Variants in BCAS3 observed in about 807,000 individuals in gnomAD.
The protein encoded by BCAS3 is BCAS4/BCAS3 fusion.
In BCAS3, 53 loss-of-function variants were observed where a neutral mutation model predicts 116.1. The ratio of observed to expected loss-of-function variants is 0.46; its 90% CI spans 0.37 to 0.57. The LOEUF (loss-of-function observed/expected upper bound fraction) is 0.57, where lower values mean the gene tolerates loss of function less well. BCAS3 is among the 20% of genes least tolerant of loss of function. BCAS3 has a pLI of 0.00. For synonymous variants in BCAS3, 391 were observed against 408.2 expected (o/e 0.96, Z 0.51); for missense variants, 917 against 1,165.4 (o/e 0.79, Z 3.10).
At chr17:60,918,164 A>G (rs1287432382) in intron 12 of BCAS3, among the ~76,000 whole-genome samples, 1 of 152,224 alleles carries the variant, frequency 6.6e-6, no homozygotes. Flanking sequence ...CTTTTTAAAA[A>G]TAATGGCCAT....
Position 61,017,572 on chromosome 17 carries a change from T to A in BCAS3, c.1637+1671T>A, listed in dbSNP as rs1242596163. 6.6e-6 allele frequency among the ~76,000 whole-genome samples: 1 copy of A among 152,232 alleles called. No individual in the cohort carries two copies. Among genetic ancestry groups the A allele is most frequent in the Non-Finnish European group, 1.5e-5 (1 of 68,032 alleles). ...GTGCTTTGTTTCTGGTGCGTGTTTA[T>A]TTAATTTTAACATAAGAGCTGTCCT... On this transcript the variant is annotated intron_variant, in intron 16 of 23. Coordinates refer to ENST00000407086, the MANE Select transcript of BCAS3 (RefSeq NM_017679.5). The surrounding 1 kb of genome is among the most constrained non-coding windows in gnomAD (Gnocchi z 4.7).
In BCAS3 at chr17:61,034,011, A is replaced by C. The variant is rs569085105; in HGVS notation, c.1638-655A>C. Among the ~76,000 whole-genome samples the C allele has an allele frequency of 4.6e-5, 7 of 152,310 alleles. No homozygotes were observed. Among genetic ancestry groups the C allele is most frequent in the African/African-American group, 1.2e-4 (5 of 41,578 alleles). On this transcript the variant is annotated intron_variant, in intron 16 of 23. Coordinates refer to ENST00000407086, the MANE Select transcript of BCAS3 (RefSeq NM_017679.5). This position sits in a 1 kb window ranked among gnomAD's most constrained non-coding sequence, Gnocchi z 5.0. ...AATTCCACCTTGGTCTTTTTCTCTGAACAAAAATAGACACATCATTTTCAC... is the reference window on the plus strand; with the variant it reads ...AATTCCACCTTGGTCTTTTTCTCTGCACAAAAATAGACACATCATTTTCAC...
intron 13 of BCAS3, among the ~76,000 whole-genome samples, chr17:60,942,086 A>G (rs9891095): frequency 0.028 from 4,269 of 152,268 alleles, 218 homozygotes; most frequent in African/African-American, 0.098. Context: ...GTGGCAAAAC[A>G]CTGTCTACAA....
At chr17:60,938,745 G>GATAGATAT in intron 13 of BCAS3, among the ~76,000 whole-genome samples, 1 of 152,072 alleles carries the variant, frequency 6.6e-6, no homozygotes, top group East Asian at 1.9e-4. Context: ...TAGATAGATA[G>GATAGATAT]ATAGATAGAT....
At chr17:61,060,308 T>G (rs2143293394) in intron 19 of BCAS3, among the ~76,000 whole-genome samples, 1 of 144,012 alleles carries the variant, frequency 6.9e-6, no homozygotes, top group Admixed American at 6.9e-5. Context: ...TTTTTTTTTG[T>G]GTATTTTTAG....
rs150335051 is a variant in BCAS3 at position 61,325,166 on chromosome 17, C to T, written c.2426-43161C>T. Among the ~76,000 whole-genome samples the T allele has an allele frequency of 1.3e-5, 2 of 152,270 alleles. No individual in the cohort carries two copies. Among genetic ancestry groups the T allele is most frequent in the Non-Finnish European group, 2.9e-5 (2 of 68,032 alleles). On this transcript the variant is annotated intron_variant, in intron 22 of 23. Transcript: ENST00000407086. The surrounding 1 kb of genome is among the most constrained non-coding windows in gnomAD (Gnocchi z 6.4). Reference sequence around the variant, plus strand: ...ATGTTTGACTCTGTGTCTCTGTGGACCACAACAGGACCACAGGCTGTTACA... The same window carrying T: ...ATGTTTGACTCTGTGTCTCTGTGGATCACAACAGGACCACAGGCTGTTACA...
At chr17:60,911,441 G>A (rs2058507362) in intron 12 of BCAS3, among the ~76,000 whole-genome samples, 1 of 152,132 alleles carries the variant, frequency 6.6e-6, no homozygotes, top group South Asian at 2.1e-4. Context: ...TGGGATGTAG[G>A]TGCGTGCCTC....
chr17:60,747,050 A>G (rs2042065588), intron 5 of BCAS3, 148 bp from the exon 6 acceptor site: 6 of 513,912 alleles, frequency 1.2e-5, no homozygotes, highest in Admixed American at 3.2e-5. Flanking sequence ...TATACTTAAC[A>G]TGTATGACCA....
intron 22 of BCAS3, among the ~76,000 whole-genome samples, chr17:61,263,382 G>T (rs942957095): frequency 5.3e-5 from 8 of 152,212 alleles, no homozygotes; most frequent in Non-Finnish European, 1.0e-4. Context: ...TGGACATAGG[G>T]GTGAGAGAGC....
At chr17:60,792,310 C>T (rs146169181) in intron 6 of BCAS3, among the ~76,000 whole-genome samples, 24 of 152,328 alleles carry the variant, frequency 1.6e-4, no homozygotes, top group African/African-American at 5.5e-4. Context: ...CGTGCATGGG[C>T]CTCGTGCTGG....
intron 23 of BCAS3, among the ~76,000 whole-genome samples, chr17:61,382,401 C>T (rs1419033060): frequency 6.6e-6 from 1 of 151,236 alleles, no homozygotes; most frequent in East Asian, 2.0e-4. Context: ...GCTGGGATTA[C>T]AGTCACCCGC....
At chr17:60,799,524 GTTTTT>G (rs869112996) in intron 6 of BCAS3, among the ~76,000 whole-genome samples, 8 of 102,380 alleles carry the variant, frequency 7.8e-5, no homozygotes, top group East Asian at 5.6e-4. Context: ...ATTAGTGTTT[GTTTTT>G]TTTTTTTTTT....
rs1367354547 is a variant in BCAS3 at position 61,088,803 on chromosome 17, T to A, written c.2425+4239T>A. 6.6e-6 allele frequency among the ~76,000 whole-genome samples: 1 copy of A among 152,200 alleles called. No individual in the cohort carries two copies. Among genetic ancestry groups the A allele is most frequent in the Non-Finnish European group, 1.5e-5 (1 of 68,034 alleles). ...TGAGATCGAAAGACAAACTTATGCGTGACTCATATGCAGAGCAGACATCTT... is the reference window on the plus strand; with the variant it reads ...TGAGATCGAAAGACAAACTTATGCGAGACTCATATGCAGAGCAGACATCTT... On this transcript the variant is annotated intron_variant, in intron 22 of 23. Transcript: ENST00000407086. The surrounding 1 kb of genome is among the most constrained non-coding windows in gnomAD (Gnocchi z 4.2).
At position 61,038,524 on chromosome 17, in the gene BCAS3, A is replaced by G. The variant is rs139749221; in HGVS notation, c.1928+470A>G. 8.1e-3 allele frequency among the ~76,000 whole-genome samples: 1,224 copies of G among 151,642 alleles called. 16 individuals carry two copies. Among genetic ancestry groups the G allele is most frequent in the African/African-American group, 0.027 (1,126 of 41,372 alleles). ...CGCCTCAGCCTCCCAAAGTGCTGGA[A>G]TTACAGGCGTGAGCAACCGTGCTGG... On this transcript the variant is annotated intron_variant, in intron 18 of 23. Coordinates refer to ENST00000407086, the MANE Select transcript of BCAS3 (RefSeq NM_017679.5).
intron 22 of BCAS3, among the ~76,000 whole-genome samples, chr17:61,116,160 G>C (rs1382633925): frequency 1.3e-5 from 2 of 151,854 alleles, no homozygotes; most frequent in Admixed American, 1.3e-4. Flanking sequence ...GTTAGTGGGT[G>C]CAGCGCACCA....
chr17:60,852,511 A>G (rs746208931), intron 7 of BCAS3, among the ~76,000 whole-genome samples: 6 of 152,214 alleles, frequency 3.9e-5, no homozygotes, highest in Non-Finnish European at 7.4e-5. Context: ...TAAGCTGGAA[A>G]GTCACTGGAA....
At chr17:60,751,539 T>TC (rs2042459425) in intron 6 of BCAS3, among the ~76,000 whole-genome samples, 1 of 22,788 alleles carries the variant, frequency 4.4e-5, no homozygotes, top group Non-Finnish European at 1.3e-3. Flanking sequence ...TTTTTTTCTT[T>TC]TTCTTTTTTT....
chr17:61,166,695 T>C (rs2078526847), intron 22 of BCAS3, among the ~76,000 whole-genome samples: 1 of 151,238 alleles, frequency 6.6e-6, no homozygotes, highest in African/African-American at 2.4e-5. Context: ...ACTGCACCCA[T>C]CCTGAACTTT....
Position 61,325,817 on chromosome 17 carries a change from A to G in BCAS3, c.2426-42510A>G, listed in dbSNP as rs2055682554. Among the ~76,000 whole-genome samples, 1 of 152,166 alleles carries G rather than the reference A, an allele frequency of 6.6e-6. No individual in the cohort carries two copies. Among genetic ancestry groups the G allele is most frequent in the Non-Finnish European group, 1.5e-5 (1 of 68,016 alleles). ...TTTTTCCTGGTCTTGGTGGCAAGAT[A>G]AACAGGATAGGGTGGTCCCTGGGGA... is the stretch of plus-strand genomic sequence containing the variant. On this transcript the variant is annotated intron_variant, in intron 22 of 23. Coordinates refer to ENST00000407086, the MANE Select transcript of BCAS3 (RefSeq NM_017679.5). The surrounding 1 kb of genome is among the most constrained non-coding windows in gnomAD (Gnocchi z 6.4).
Sources: allele counts gnomAD v4.1 joint callset (sites outside exome capture counted in the v4.1 genomes callset), GRCh38; gene constraint gnomAD v4.1.1; non-coding constraint Gnocchi (gnomAD v3.1); transcripts MANE v1.5; gene names NCBI Gene and HGNC (gene_info 2026-07-23, HGNC 2026-07-21).